Variants in KDM4C observed in about 807,000 individuals in gnomAD.
KDM4C encodes the protein lysine demethylase 4C.
A neutral mutation model predicts 129.3 loss-of-function variants in KDM4C; 81 were observed. The ratio of observed to expected loss-of-function variants is 0.63; its 90% CI spans 0.52 to 0.75. The LOEUF is 0.75. Ranked by LOEUF, KDM4C falls within the 30% of genes least tolerant of loss-of-function variation. The pLI is 0.00. For synonymous variants in KDM4C, 573 were observed against 456.1 expected (o/e 1.26, Z -3.26); for missense variants, 1,457 against 1,304.0 (o/e 1.12, Z -1.81).
At chr9:6,965,494 T>C (rs1830802647) in intron 8 of KDM4C, among the ~76,000 whole-genome samples, 1 of 152,182 alleles carries the variant, frequency 6.6e-6, no homozygotes, top group Admixed American at 6.5e-5. Flanking sequence ...TGTATATATG[T>C]GTGTCTGTTT....
chr9:6,932,504 A>C (rs1406604173), intron 8 of KDM4C, among the ~76,000 whole-genome samples: 1 of 152,214 alleles, frequency 6.6e-6, no homozygotes, highest in Admixed American at 6.5e-5. Flanking sequence ...GAGATGCTAC[A>C]GTGTATACAA....
At position 6,957,570 on chromosome 9, in the gene KDM4C, G is replaced by C. The variant is rs184270910; in HGVS notation, c.922-23355G>C. 5.4e-3 allele frequency among the ~76,000 whole-genome samples: 824 copies of C among 152,204 alleles called. 8 individuals are homozygous for C. The highest frequency in any genetic ancestry group is 0.019 in the African/African-American group (781 of 41,528). On this transcript the variant is annotated intron_variant, in intron 8 of 21. Coordinates refer to ENST00000381309, the MANE Select transcript of KDM4C (RefSeq NM_015061.6). ...GCAGCGACATTGTCGGAGAATACTG[G>C]TAGGTCACCACCACCACCATAAGAG...
chr9:6,974,376 T>G (rs1224208551), intron 8 of KDM4C, among the ~76,000 whole-genome samples: 3 of 152,246 alleles, frequency 2.0e-5, no homozygotes, highest in African/African-American at 7.2e-5. Context: ...TGTCTTTCTT[T>G]TGAGACGGAG....
intron 4 of KDM4C, among the ~76,000 whole-genome samples, chr9:6,821,130 T>C (rs1216311969): frequency 6.6e-6 from 1 of 152,212 alleles, no homozygotes; most frequent in African/African-American, 2.4e-5. Context: ...TTGATGGACA[T>C]TTGGGTTGGT....
chr9:6,826,866 CA>C (rs1190907288), intron 4 of KDM4C, among the ~76,000 whole-genome samples: 88 of 137,452 alleles, frequency 6.4e-4, no homozygotes, highest in Admixed American at 5.8e-4. Context: ...AACTCCATCT[CA>C]AAAAAAAAAA....
At chr9:7,073,683 A>G (rs1340042848) in intron 17 of KDM4C, among the ~76,000 whole-genome samples, 1 of 152,226 alleles carries the variant, frequency 6.6e-6, no homozygotes, top group Non-Finnish European at 1.5e-5. Flanking sequence ...GCATTATTTC[A>G]GCCCTTGGGA....
chr9:6,761,980 A>G (rs1424452438), intron 1 of KDM4C, among the ~76,000 whole-genome samples: 1 of 151,672 alleles, frequency 6.6e-6, no homozygotes, highest in Admixed American at 6.6e-5. Context: ...TCGTATTTTT[A>G]GTAGAGACGG....
chr9:7,131,640 T>C (rs1840653938), intron 19 of KDM4C, among the ~76,000 whole-genome samples: 2 of 152,284 alleles, frequency 1.3e-5, no homozygotes, highest in South Asian at 4.1e-4. Flanking sequence ...ATTTAAGTCA[T>C]GGATTTAATT....
At chr9:7,141,555 A>G (rs1286949663) in intron 19 of KDM4C, among the ~76,000 whole-genome samples, 1 of 152,246 alleles carries the variant, frequency 6.6e-6, no homozygotes. Context: ...CAAGGAAGAA[A>G]GATGTGTCAA....
chr9:6,835,036 C>G (rs140602362), intron 4 of KDM4C: 1 of 940,964 alleles, frequency 1.1e-6, no homozygotes, highest in Admixed American at 1.7e-5. Flanking sequence ...CCTTACCGAG[C>G]GTGGCTACAG....
intron 1 of KDM4C, among the ~76,000 whole-genome samples, chr9:6,728,121 T>C (rs975664938): frequency 3.5e-5 from 5 of 142,324 alleles, no homozygotes; most frequent in Non-Finnish European, 7.6e-5. Flanking sequence ...ATTTTATGAA[T>C]GCTATGGGAA....
intron 1 of KDM4C, among the ~76,000 whole-genome samples, chr9:6,746,834 G>A (rs182916720): frequency 2.5e-3 from 378 of 148,828 alleles, no homozygotes; most frequent in Middle Eastern, 0.014. Flanking sequence ...CGGTGAAACC[G>A]TCTCTACTAA....
intron 5 of KDM4C, among the ~76,000 whole-genome samples, chr9:6,859,007 T>C (rs1840438013): frequency 6.6e-6 from 1 of 152,208 alleles, no homozygotes. Context: ...AAAGCTAGGA[T>C]TACAAATAGA....
intron 19 of KDM4C, among the ~76,000 whole-genome samples, chr9:7,142,694 T>A (rs1841868743): frequency 1.3e-5 from 2 of 152,196 alleles, no homozygotes; most frequent in South Asian, 4.1e-4. Flanking sequence ...ATTGTAGATG[T>A]ACAATGTTTT....
intron 1 of KDM4C, among the ~76,000 whole-genome samples, chr9:6,743,853 T>G (rs1211748642): frequency 1.3e-5 from 2 of 152,192 alleles, no homozygotes; most frequent in East Asian, 3.9e-4. Context: ...TCAAATTCAC[T>G]TGACTTGTTG....
At chr9:6,815,233 C>T (rs1831867017) in intron 4 of KDM4C, 4 of 151,876 alleles carry the variant, frequency 2.6e-5, no homozygotes, top group African/African-American at 9.7e-5. Flanking sequence ...ACAGTCTAGC[C>T]ATTTTAATGG....
intron 2 of KDM4C, among the ~76,000 whole-genome samples, chr9:6,803,087 T>C (rs1829311368): frequency 1.3e-5 from 2 of 152,204 alleles, no homozygotes. Context: ...TAATTGTGGT[T>C]ACCTCTTGGG....
At chr9:6,762,988 C>T (rs921658427) in intron 1 of KDM4C, among the ~76,000 whole-genome samples, 1 of 151,952 alleles carries the variant, frequency 6.6e-6, no homozygotes, top group Non-Finnish European at 1.5e-5. Flanking sequence ...CTCCCCGACC[C>T]TCTAAAGATT....
Position 7,175,593 on chromosome 9 carries a change from T to A in KDM4C, c.*864T>A, listed in dbSNP as rs2130567092. 1 of 152,746 alleles carries A rather than the reference T, an allele frequency of 6.5e-6. No individual in the cohort carries two copies. Among genetic ancestry groups the A allele is most frequent in the East Asian group, 1.9e-4 (1 of 5,194 alleles). 9.5% of individuals were successfully genotyped at this position (152,746 alleles called of 1,614,324 possible). A position where few individuals can be genotyped will look rare whatever the true frequency, so the allele number is the denominator to read the frequency against. On this transcript the variant is annotated 3_prime_UTR_variant, in exon 22 of 22. Transcript: ENST00000381309. ...ACTAATGTAACATGATTTTTCTTTT[T>A]TAAAACAGCCTGAAAATGTACTAGT...
Sources: gnomAD v4.1 joint callset for allele counts (sites outside exome capture counted in the v4.1 genomes callset) on GRCh38, gnomAD v4.1.1 for gene constraint, MANE v1.5 for transcripts, NCBI Gene and HGNC (gene_info 2026-07-23, HGNC 2026-07-21) for gene names.